SLC52A1: variants seen among roughly 807,000 people sequenced by gnomAD.
SLC52A1 encodes the protein solute carrier family 52 member 1, also known as solute carrier family 52, riboflavin transporter, member 1.
Under a neutral mutation model 23.2 loss-of-function variants are expected in SLC52A1, and 20 were observed. The observed-to-expected ratio is 0.86, with a 90% CI of 0.61 to 1.25. SLC52A1 has a LOEUF of 1.25. Among genes scored for constraint, SLC52A1 ranks in the 50% most tolerant of loss-of-function variants. SLC52A1 has a pLI of 0.00. For missense variants in SLC52A1, 528 were observed against 557.0 expected (o/e 0.95, Z 0.52); for synonymous variants, 260 against 256.6 (o/e 1.01, Z -0.13).
chr17:5,034,756 ACAGAACCGGAGTCAGAAGACAAGTCGGT>A (rs1975418916), intron 1 of SLC52A1, 43 bp from the exon 2 acceptor site: 9 of 1,078,474 alleles, frequency 8.3e-6, no homozygotes, highest in Non-Finnish European at 1.2e-5. Flanking sequence ...GGCTGGTGGG[ACAGAACCGGAGTCAGAAGACAAGTCGGT>A]CAGACTGCTA....
chr17:5,040,434 A>G (rs989927136), intron 1 of SLC52A1, among the ~76,000 whole-genome samples: 19 of 152,174 alleles, frequency 1.2e-4, no homozygotes, highest in African/African-American at 4.6e-4. Flanking sequence ...TCAGCCTCCC[A>G]AAGTGTTGGG....
Position 5,032,881 on chromosome 17 carries a change from C to A in SLC52A1, c.*76G>T. 7.2e-7 allele frequency: 1 copy of A among 1,380,190 alleles called. No individual in the cohort carries two copies. The highest frequency in any genetic ancestry group is 1.2e-5 in the South Asian group (1 of 80,022). The allele number at this position is 1,380,190 out of a possible 1,614,324, so 85.5% of individuals were successfully genotyped here. On this transcript the variant is annotated 3_prime_UTR_variant, in exon 5 of 5. Coordinates refer to ENST00000254853, the MANE Select transcript of SLC52A1 (RefSeq NM_017986.4). ...CTGTGTTGGGGGAAGCCTGCCTGGG[C>A]CACAAGTAGTCAGGCACTGTGGCAG...
chr17:5,033,323 C>A lies in SLC52A1; in HGVS notation c.1072G>T (p.Ala358Ser), dbSNP rs1028208996. 3.1e-6 allele frequency: 5 copies of A among 1,613,870 alleles called. No individual in the cohort carries two copies. Among genetic ancestry groups the A allele is most frequent in the Non-Finnish European group, 4.2e-6 (5 of 1,179,904 alleles). The change falls in exon 4 of 5, where the codon GCA (alanine) becomes TCA (serine). Residue 358 changes from alanine (A) to serine (S), a missense_variant. Coordinates refer to ENST00000254853, the MANE Select transcript of SLC52A1 (RefSeq NM_017986.4). ...LGMLFGAYLM[A>S]LAILSPCPPL... ...GGGCAGGGGCTCAGGATTGCCAGTGCCATCAGGTAGGCCCCAAAGAGCATG... is the reference window on the plus strand; with the variant it reads ...GGGCAGGGGCTCAGGATTGCCAGTGACATCAGGTAGGCCCCAAAGAGCATG...
upstream of SLC52A1, among the ~76,000 whole-genome samples, chr17:5,037,433 C>T (rs773794538): frequency 1.3e-5 from 2 of 152,004 alleles, no homozygotes; most frequent in Non-Finnish European, 2.9e-5. Context: ...ATATGAGAAT[C>T]GCTTGAACCA....
chr17:5,034,219 C>T lies in SLC52A1; in HGVS notation c.270G>A (p.Val90=). Residue 90 remains valine (V), a synonymous_variant, in exon 3 of 5, where the codon GTG becomes GTA. Coordinates refer to ENST00000254853, the MANE Select transcript of SLC52A1 (RefSeq NM_017986.4). ...ACAGAGGGGCCAGCAGGGCTGTGCC[C>T]ACTACACTCAGCACCTGTACCACCT... ...PIQVVQVLSV[V]GTALLAPLWH... 6 of 1,613,986 alleles carry T rather than the reference C, an allele frequency of 3.7e-6. No homozygotes were observed. The highest frequency in any genetic ancestry group is 5.1e-6 in the Non-Finnish European group (6 of 1,179,942).
At position 5,033,332 on chromosome 17, in the gene SLC52A1, AG is replaced by A. The variant is rs537206157; in HGVS notation, c.1062del (p.Tyr355ThrfsTer2). 193 of 1,614,042 alleles carry A rather than the reference AG, an allele frequency of 1.2e-4. 1 individual carries two copies. The African/African-American group carries it at 2.2e-3, about 18-fold the overall frequency. On this transcript the variant is annotated frameshift_variant, in exon 4 of 5. Coordinates refer to ENST00000254853, the MANE Select transcript of SLC52A1 (RefSeq NM_017986.4). LOFTEE classifies it high-confidence loss of function. Reference sequence around the variant, plus strand: ...CTCAGGATTGCCAGTGCCATCAGGTAGGCCCCAAAGAGCATGCCCAGCAGAG... The same window carrying A: ...CTCAGGATTGCCAGTGCCATCAGGTAGCCCCAAAGAGCATGCCCAGCAGAG... Reference protein sequence around the residue: ...GLSLLGMLFGAYLMALAILSP... With the variant: ...GLSLLGMLFGXYLMALAILSP...
At position 5,034,636 on chromosome 17, in the gene SLC52A1, G is replaced by C; in HGVS notation, c.-30C>G. On this transcript the variant is annotated 5_prime_UTR_variant, in exon 2 of 5. Coordinates refer to ENST00000254853, the MANE Select transcript of SLC52A1 (RefSeq NM_017986.4). ...CCCAAAGCTGGACCCTCCAGGACAG[G>C]GCAAAGGTCACAGGCAGGTCCTTCC... 6.2e-7 allele frequency: 1 copy of C among 1,612,454 alleles called. No homozygotes were observed. Among genetic ancestry groups the C allele is most frequent in the Non-Finnish European group, 8.5e-7 (1 of 1,179,254 alleles).
upstream of SLC52A1, among the ~76,000 whole-genome samples, chr17:5,035,592 G>C (rs571095494): frequency 6.6e-6 from 1 of 152,216 alleles, no homozygotes; most frequent in South Asian, 2.1e-4. Flanking sequence ...GGCAGTCCCC[G>C]GACCCAGCGG....
intron 1 of SLC52A1, among the ~76,000 whole-genome samples, chr17:5,040,996 C>G (rs373574523): frequency 2.0e-5 from 3 of 151,710 alleles, no homozygotes; most frequent in African/African-American, 7.3e-5. Flanking sequence ...GGGGTTTCAC[C>G]GTGTTAGCCA....
In SLC52A1 at chr17:5,032,945, AC is replaced by A. The variant is rs1373720841; in HGVS notation, c.*11del. 1 of 1,607,118 alleles carries A rather than the reference AC, an allele frequency of 6.2e-7. No individual in the cohort carries two copies. Among genetic ancestry groups the A allele is most frequent in the African/African-American group, 1.3e-5 (1 of 74,700 alleles). On this transcript the variant is annotated 3_prime_UTR_variant, in exon 5 of 5. Coordinates refer to ENST00000254853, the MANE Select transcript of SLC52A1 (RefSeq NM_017986.4). ...ACAGGTGGGGTGGAGTTGGGTCCCC[AC>A]CTGCCCAGGCTCAGGGGCCACAGGG...
upstream of SLC52A1, among the ~76,000 whole-genome samples, chr17:5,039,458 A>T (rs932560487): frequency 3.9e-5 from 6 of 152,032 alleles, no homozygotes; most frequent in African/African-American, 1.4e-4. Flanking sequence ...CCTTGGCCAA[A>T]CACCCTGCCA....
rs1422437632 is a variant in SLC52A1 at position 5,033,187 on chromosome 17, G to C, written c.1135-18C>G. The stretch of plus-strand genomic sequence containing the variant: ...GACAGCACCTGCAAGGGAGGACACA[G>C]CAGCAGGCTGAGCATGACATGCACT... On this transcript the variant is annotated intron_variant, in intron 4 of 4. Coordinates refer to ENST00000254853, the MANE Select transcript of SLC52A1 (RefSeq NM_017986.4). 6.2e-7 allele frequency: 1 copy of C among 1,613,472 alleles called. No homozygotes were observed. Among genetic ancestry groups the C allele is most frequent in the Non-Finnish European group, 8.5e-7 (1 of 1,179,624 alleles).
chr17:5,033,238 A>G (rs779499092), intron 4 of SLC52A1, 23 bp downstream of exon 4: 3 of 1,612,776 alleles, frequency 1.9e-6, no homozygotes, highest in Middle Eastern at 3.3e-4. Flanking sequence ...CCTCCTCCCC[A>G]CTTCATGTCT....
Position 5,034,707 on chromosome 17 carries a change from C to G in SLC52A1, c.-101G>C. ...TTTGGTTCTTCTGGAAACTGAAGAC[C>G]TTCTAGCTGGAGGGAAACAGACAGG... On this transcript the variant is annotated 5_prime_UTR_variant, in exon 2 of 5. Transcript: ENST00000254853. The G allele has an allele frequency of 3.4e-6, 5 of 1,490,390 alleles. No individual in the cohort carries two copies. Among genetic ancestry groups the G allele is most frequent in the Non-Finnish European group, 3.6e-6 (4 of 1,109,370 alleles). The allele number at this position is 1,490,390 out of a possible 1,614,324, so 92.3% of individuals were successfully genotyped here. A position where few individuals can be genotyped will look rare whatever the true frequency, so the allele number is the denominator to read the frequency against.
At chr17:5,040,231 T>C (rs958878822), upstream of SLC52A1, among the ~76,000 whole-genome samples, 2 of 152,108 alleles carry the variant, frequency 1.3e-5, no homozygotes, top group Non-Finnish European at 2.9e-5. Context: ...TGGAGTGCAG[T>C]GGTGTCATCA....
upstream of SLC52A1, among the ~76,000 whole-genome samples, chr17:5,039,414 G>T (rs2143454283): frequency 6.6e-6 from 1 of 152,130 alleles, no homozygotes; most frequent in African/African-American, 2.4e-5. Context: ...CTAACTGCAG[G>T]AACTGTCCCC....
intron 1 of SLC52A1, among the ~76,000 whole-genome samples, chr17:5,041,585 C>T (rs1221164659): frequency 6.6e-6 from 1 of 152,214 alleles, no homozygotes; most frequent in East Asian, 1.9e-4. Context: ...TCAAGTGATT[C>T]TCCTGCCTCA....
intron 1 of SLC52A1, 71 bp downstream of exon 1, chr17:5,034,790 T>G: frequency 4.5e-6 from 3 of 670,908 alleles, no homozygotes; most frequent in South Asian, 2.0e-5. Context: ...TCGGTCAGAC[T>G]GCTAAGACCA....
At position 5,033,938 on chromosome 17, in the gene SLC52A1, G is replaced by A; in HGVS notation, c.551C>T (p.Pro184Leu). The change falls in exon 3 of 5, where the codon CCC becomes CTC. Residue 184 changes from proline to leucine, a missense_variant. Transcript: ENST00000254853. ...AGGAAAACGCTCAGGGAAGTCGAGG[G>A]GAGGCCCAGAGGTGCCATTGGTGGG... ...PAPTNGTSGPPLDFPERFPAS... is the reference protein window; with the variant it reads ...PAPTNGTSGPLLDFPERFPAS... The A allele has an allele frequency of 6.2e-7, 1 of 1,614,210 alleles. No individual in the cohort carries two copies. Among genetic ancestry groups the A allele is most frequent in the Non-Finnish European group, 8.5e-7 (1 of 1,180,040 alleles).
Sources: gnomAD v4.1 joint callset for allele counts (sites outside exome capture counted in the v4.1 genomes callset) on GRCh38, gnomAD v4.1.1 for gene constraint, MANE v1.5 for transcripts, NCBI Gene and HGNC (gene_info 2026-07-23, HGNC 2026-07-21) for gene names.